Variants in OR9A4 observed in about 807,000 individuals in gnomAD.
OR9A4 encodes the protein olfactory receptor family 9 subfamily A member 4, also known as olfactory receptor 9A4.
OR9A4 carries 16 observed loss-of-function variants against 17.1 expected under a neutral mutation model. That is an observed-to-expected ratio of 0.94 (90% CI 0.64 to 1.43). The LOEUF is 1.43. OR9A4 is among the 40% of genes most tolerant of loss of function. OR9A4 has a pLI of 0.00. For synonymous variants in OR9A4, 167 were observed against 143.3 expected (o/e 1.17, Z -1.18); for missense variants, 392 against 382.1 (o/e 1.03, Z -0.22).
chr7:141,919,412 T>C lies in OR9A4; in HGVS notation c.537T>C (p.Cys179=). 6.2e-7 allele frequency: 1 copy of C among 1,614,180 alleles called. No homozygotes were observed. The highest frequency in any genetic ancestry group is 1.1e-5 in the South Asian group (1 of 91,080). ...CKSNVVNNFF[C]DRGQLLKLSC... The stretch of plus-strand genomic sequence containing the variant: ...CAAATGTGGTGAACAATTTTTTTTG[T>C]GACCGAGGGCAATTGCTCAAACTAT... Residue 179 remains cysteine, a synonymous_variant, in exon 2 of 2, where the codon TGT becomes TGC. Transcript: ENST00000641559.
At position 141,919,528 on chromosome 7, in the gene OR9A4, A is replaced by G; in HGVS notation, c.653A>G (p.Asn218Ser). The change falls in exon 2 of 2, where the codon AAC becomes AGC. Residue 218 changes from asparagine to serine, a missense_variant. Physicochemically the swap from Asn to Ser is conservative, Grantham distance 46. Coordinates refer to ENST00000641559, the MANE Select transcript of OR9A4 (RefSeq NM_001001656.3). ...FGSLIPTIVSNAYIISTILKI... is the reference protein window; with the variant it reads ...FGSLIPTIVSSAYIISTILKI... ...TCTTTGATCCCTACAATTGTCTCCA[A>G]CGCCTACATCATCTCCACCATTCTC... 1.2e-6 allele frequency: 2 copies of G among 1,614,080 alleles called. No individual in the cohort carries two copies. The highest frequency in any genetic ancestry group is 1.7e-6 in the Non-Finnish European group (2 of 1,180,020).
rs1802262658 is a variant in OR9A4 at position 141,920,444 on chromosome 7, A to G, written c.*624A>G. 1 of 152,384 alleles carries G rather than the reference A, an allele frequency of 6.6e-6. No homozygotes were observed. The highest frequency in any genetic ancestry group is 1.5e-5 in the Non-Finnish European group (1 of 68,036). The allele number at this position is 152,384 out of a possible 1,614,324, so 9.4% of individuals were successfully genotyped here. On this transcript the variant is annotated 3_prime_UTR_variant, in exon 2 of 2. Coordinates refer to ENST00000641559, the MANE Select transcript of OR9A4 (RefSeq NM_001001656.3). The stretch of plus-strand genomic sequence containing the variant: ...TTTTCAGGGAAGGATTGAGAGAGGT[A>G]AGGTGGTGATACATTCGGAAACTTG...
Position 141,920,118 on chromosome 7 carries a change from T to C in OR9A4, c.*298T>C. Reference sequence around the variant, plus strand: ...GAAAAATTAAATGTCAGAGATAGACTATCTATATAGTCTAGAAAATAGACT... The same window carrying C: ...GAAAAATTAAATGTCAGAGATAGACCATCTATATAGTCTAGAAAATAGACT... On this transcript the variant is annotated 3_prime_UTR_variant, in exon 2 of 2. Transcript: ENST00000641559. 3.6e-6 allele frequency: 1 copy of C among 281,676 alleles called. No homozygotes were observed. The highest frequency in any genetic ancestry group is 6.7e-6 in the Non-Finnish European group (1 of 148,870). 17.4% of individuals were successfully genotyped at this position (281,676 alleles called of 1,614,324 possible).
Position 141,919,208 on chromosome 7 carries a change from G to T in OR9A4, c.333G>T (p.Glu111Asp). The T allele has an allele frequency of 1.9e-6, 3 of 1,614,104 alleles. No individual in the cohort carries two copies. The highest frequency in any genetic ancestry group is 2.5e-6 in the Non-Finnish European group (3 of 1,180,028). ...LFLYLAVGTT[E>D]FALLGAMAVD... ...TGTACCTTGCTGTGGGGACAACAGA[G>T]TTCGCATTACTTGGAGCAATGGCTG... The change falls in exon 2 of 2, where the codon GAG becomes GAT. Residue 111 changes from glutamate to aspartate, a missense_variant. Physicochemically the swap from Glu to Asp is conservative, Grantham distance 45. Transcript: ENST00000641559.
chr7:141,919,512 C>T lies in OR9A4; in HGVS notation c.637C>T (p.Pro213Ser). 6.2e-7 allele frequency: 1 copy of T among 1,614,012 alleles called. No homozygotes were observed. Among genetic ancestry groups the T allele is most frequent in the South Asian group, 1.1e-5 (1 of 91,078 alleles). Residue 213 changes from proline to serine, a missense_variant, in exon 2 of 2, where the codon CCT (proline) becomes TCT (serine). Transcript: ENST00000641559. Reference protein sequence around the residue: ...AVFVLFGSLIPTIVSNAYIIS... With the variant: ...AVFVLFGSLISTIVSNAYIIS... ...TTTTGTTCTCTTTGGTTCTTTGATC[C>T]CTACAATTGTCTCCAACGCCTACAT...
At position 141,918,872 on chromosome 7, in the gene OR9A4, C is replaced by T. The variant is rs782781439; in HGVS notation, c.-4C>T. On this transcript the variant is annotated 5_prime_UTR_variant, in exon 2 of 2. Coordinates refer to ENST00000641559, the MANE Select transcript of OR9A4 (RefSeq NM_001001656.3). ...TTTCACAAGGAACAAGGGCTTAGAA[C>T]TAAATGTTGATGAATTACTCTAGTG... is the stretch of plus-strand genomic sequence containing the variant. The T allele has an allele frequency of 6.3e-7, 1 of 1,593,158 alleles. No homozygotes were observed. The highest frequency in any genetic ancestry group is 1.7e-5 in the Admixed American group (1 of 59,112).
rs782153971 is a variant in OR9A4, at chr7:141,919,473, T to G, written c.598T>G (p.Phe200Val). 7.4e-6 allele frequency: 12 copies of G among 1,614,092 alleles called. No homozygotes were observed. Among genetic ancestry groups the G allele is most frequent in the Non-Finnish European group, 1.0e-5 (12 of 1,180,046 alleles). ...TACTCTTTTCACGGAGTTTATCCTC[T>G]TCTTAATGGCTGTTTTTGTTCTCTT... ...NNTLFTEFIL[F>V]LMAVFVLFGS... Residue 200 changes from phenylalanine (F) to valine (V), a missense_variant, in exon 2 of 2, where the codon TTC (phenylalanine) becomes GTC (valine). By Grantham distance (50) the Phe-to-Val change is conservative (BLOSUM62 -1). Transcript: ENST00000641559.
rs782630687 is a variant in OR9A4 at position 141,919,133 on chromosome 7, C to T, written c.258C>T (p.Leu86=). 2 of 1,614,136 alleles carry T rather than the reference C, an allele frequency of 1.2e-6. No homozygotes were observed. Among genetic ancestry groups the T allele is most frequent in the African/African-American group, 1.3e-5 (1 of 75,020 alleles). The change falls in exon 2 of 2, where the codon CTC becomes CTT. Residue 86 remains leucine, a synonymous_variant. Coordinates refer to ENST00000641559, the MANE Select transcript of OR9A4 (RefSeq NM_001001656.3). ...IVPVMLWGLL[L]PGMQTIYLSA... The stretch of plus-strand genomic sequence containing the variant: ...CCGTGATGCTTTGGGGATTGCTGCT[C>T]CCTGGGATGCAGACAATATATTTGT...
chr7:141,917,824 G>A (rs1802210258), intron 1 of OR9A4, among the ~76,000 whole-genome samples: 1 of 152,112 alleles, frequency 6.6e-6, no homozygotes, highest in Non-Finnish European at 1.5e-5. Flanking sequence ...TCTGCGTGGG[G>A]GAGACACAGT....
At chr7:141,918,579 T>C (rs1554438977) in intron 1 of OR9A4, among the ~76,000 whole-genome samples, 1 of 152,176 alleles carries the variant, frequency 6.6e-6, no homozygotes, top group Non-Finnish European at 1.5e-5. Flanking sequence ...GAGGCAGATG[T>C]CCAGTGTATT....
In OR9A4 at chr7:141,919,503, TC is replaced by T. The variant is rs1554439111; in HGVS notation, c.629del (p.Ser210PhefsTer2). 1 of 1,614,210 alleles carries T rather than the reference TC, an allele frequency of 6.2e-7. No individual in the cohort carries two copies. Among genetic ancestry groups the T allele is most frequent in the Admixed American group, 1.7e-5 (1 of 60,024 alleles). ...FLMAVFVLFG[S>X]LIPTIVSNAY... ...AATGGCTGTTTTTGTTCTCTTTGGTTCTTTGATCCCTACAATTGTCTCCAAC... is the reference window on the plus strand; with the variant it reads ...AATGGCTGTTTTTGTTCTCTTTGGTTTTTGATCCCTACAATTGTCTCCAAC... On this transcript the variant is annotated frameshift_variant, in exon 2 of 2. Transcript: ENST00000641559. LOFTEE classifies it high-confidence loss of function.
At position 141,919,576 on chromosome 7, in the gene OR9A4, G is replaced by A. The variant is rs375998461; in HGVS notation, c.701G>A (p.Arg234Gln). Reference protein sequence around the residue: ...TILKIPSSSGRRKSFSTCASH... With the variant: ...TILKIPSSSGQRKSFSTCASH... The stretch of plus-strand genomic sequence containing the variant: ...CTCAAGATCCCGTCATCCTCTGGCC[G>A]GAGGAAATCCTTCTCCACTTGTGCC... Residue 234 changes from arginine to glutamine, a missense_variant, in exon 2 of 2, where the codon CGG (arginine) becomes CAG (glutamine). Physicochemically the swap from Arg to Gln is conservative, Grantham distance 43. Coordinates refer to ENST00000641559, the MANE Select transcript of OR9A4 (RefSeq NM_001001656.3). The A allele has an allele frequency of 8.1e-6, 13 of 1,613,906 alleles. No individual in the cohort carries two copies. Among genetic ancestry groups the A allele is most frequent in the African/African-American group, 5.3e-5 (4 of 74,850 alleles).
chr7:141,919,262 T>A lies in OR9A4; in HGVS notation c.387T>A (p.Pro129=), dbSNP rs542896636. ...ACCGTTATGTGGCTGTCTGTAACCCTCTGAGGTACAACATCATTATGAACA... is the reference window on the plus strand; with the variant it reads ...ACCGTTATGTGGCTGTCTGTAACCCACTGAGGTACAACATCATTATGAACA... ...AVDRYVAVCN[P]LRYNIIMNRH... is the part of the protein sequence containing the mutation. The change falls in exon 2 of 2, where the codon CCT becomes CCA. Residue 129 remains proline, a synonymous_variant. Coordinates refer to ENST00000641559, the MANE Select transcript of OR9A4 (RefSeq NM_001001656.3). 9.9e-6 allele frequency: 16 copies of A among 1,614,168 alleles called. No individual in the cohort carries two copies. In the African/African-American group the frequency reaches 2.0e-4, roughly 20 times the overall value.
intron 1 of OR9A4, among the ~76,000 whole-genome samples, chr7:141,917,120 G>T (rs2128958360): frequency 6.6e-6 from 1 of 152,206 alleles, no homozygotes; most frequent in African/African-American, 2.4e-5. Context: ...TCTTGGCACT[G>T]GTAATACAAG....
chr7:141,919,499 T>G lies in OR9A4; in HGVS notation c.624T>G (p.Phe208Leu). Residue 208 changes from phenylalanine (F) to leucine (L), a missense_variant, in exon 2 of 2, where the codon TTT becomes TTG. Transcript: ENST00000641559. ...TCTTAATGGCTGTTTTTGTTCTCTTTGGTTCTTTGATCCCTACAATTGTCT... is the reference window on the plus strand; with the variant it reads ...TCTTAATGGCTGTTTTTGTTCTCTTGGGTTCTTTGATCCCTACAATTGTCT... ...ILFLMAVFVL[F>L]GSLIPTIVSN... 2 of 1,614,220 alleles carry G rather than the reference T, an allele frequency of 1.2e-6. No individual in the cohort carries two copies.
chr7:141,916,898 A>G (rs2128958325), intron 1 of OR9A4, among the ~76,000 whole-genome samples: 1 of 152,262 alleles, frequency 6.6e-6, no homozygotes, highest in East Asian at 1.9e-4. Flanking sequence ...ATTTCTCCCC[A>G]TTCCTTCCAT....
Position 141,918,985 on chromosome 7 carries a change from C to G in OR9A4, c.110C>G (p.Thr37Arg). The G allele has an allele frequency of 6.2e-7, 1 of 1,614,044 alleles. No homozygotes were observed. Among genetic ancestry groups the G allele is most frequent in the Non-Finnish European group, 8.5e-7 (1 of 1,179,984 alleles). ...ATATTCTTCTTTTTCTACTTGGTGA[C>G]ATTAATGGGAAACACAGTCATCATC... is the stretch of plus-strand genomic sequence containing the variant. ...FAIFFFFYLV[T>R]LMGNTVIIMI... Residue 37 changes from threonine to arginine, a missense_variant, in exon 2 of 2, where the codon ACA (threonine) becomes AGA (arginine). By Grantham distance (71) the Thr-to-Arg change is moderately conservative. Transcript: ENST00000641559.
At position 141,918,891 on chromosome 7, in the gene OR9A4, T is replaced by G; in HGVS notation, c.16T>G (p.Ser6Ala). The G allele has an allele frequency of 6.2e-7, 1 of 1,608,938 alleles. No individual in the cohort carries two copies. Among genetic ancestry groups the G allele is most frequent in the African/African-American group, 1.3e-5 (1 of 74,974 alleles). ...TTAGAACTAAATGTTGATGAATTAC[T>G]CTAGTGCCACTGAATTTTATCTCCT... MLMNY[S>A]SATEFYLLGF... is the part of the protein sequence containing the mutation. Residue 6 changes from serine (S) to alanine (A), a missense_variant, in exon 2 of 2, where the codon TCT becomes GCT. Coordinates refer to ENST00000641559, the MANE Select transcript of OR9A4 (RefSeq NM_001001656.3).
chr7:141,918,034 G>A (rs1554438907), intron 1 of OR9A4, among the ~76,000 whole-genome samples: 1 of 152,168 alleles, frequency 6.6e-6, no homozygotes, highest in African/African-American at 2.4e-5. Context: ...TATAACTGAA[G>A]TGAAAACTTT....
Sources: allele counts gnomAD v4.1 joint callset (sites outside exome capture counted in the v4.1 genomes callset), GRCh38; gene constraint gnomAD v4.1.1; transcripts MANE v1.5; gene names NCBI Gene and HGNC (gene_info 2026-07-23, HGNC 2026-07-21).